ITGB5: variants seen among roughly 807,000 people sequenced by gnomAD.
The protein encoded by ITGB5 is integrin beta-5.
A neutral mutation model predicts 84.8 loss-of-function variants in ITGB5; 38 were observed. The observed-to-expected ratio is 0.45, with a 90% confidence interval of 0.35 to 0.59. The LOEUF (loss-of-function observed/expected upper bound fraction) is 0.59. ITGB5 is among the 20% of genes least tolerant of loss of function. ITGB5 has a pLI of 0.01. For missense variants in ITGB5, 905 were observed against 1,034.5 expected (o/e 0.87, Z 1.72); for synonymous variants, 393 against 414.4 (o/e 0.95, Z 0.63).
chr3:124,825,778 A>C (rs1348876948), intron 5 of ITGB5, among the ~76,000 whole-genome samples: 1 of 152,234 alleles, frequency 6.6e-6, no homozygotes. Context: ...ATAAGACTTT[A>C]TACCTAAAAA....
chr3:124,801,839 C>T (rs1024460962), intron 9 of ITGB5, among the ~76,000 whole-genome samples: 2 of 152,240 alleles, frequency 1.3e-5, no homozygotes, highest in African/African-American at 4.8e-5. Context: ...AGCCACTCTC[C>T]CCTCCCTCCC....
chr3:124,835,155 A>T (rs1559959891), intron 5 of ITGB5, among the ~76,000 whole-genome samples: 1 of 152,146 alleles, frequency 6.6e-6, no homozygotes, highest in Non-Finnish European at 1.5e-5. Flanking sequence ...AAAGAAACGC[A>T]AACTCTCCCA....
intron 5 of ITGB5, among the ~76,000 whole-genome samples, chr3:124,839,416 T>C (rs1016502007): frequency 1.3e-5 from 2 of 152,220 alleles, no homozygotes; most frequent in African/African-American, 4.8e-5. Flanking sequence ...CTGGATCAAA[T>C]GGCTTCTCAA....
intron 10 of ITGB5, among the ~76,000 whole-genome samples, chr3:124,784,890 T>C (rs1559931624): frequency 1.3e-5 from 2 of 152,228 alleles, no homozygotes; most frequent in Admixed American, 6.5e-5. Flanking sequence ...GAAACTGTCA[T>C]GGTGTTGTGG....
In ITGB5 at chr3:124,886,636, C is replaced by A. The variant is rs1023565128; in HGVS notation, c.70+295G>T. ...AGGCAGGGCTGGCGGCGGTCCTCCC[C>A]GTGCCCTGGGCGCGGGCCCTGGCGG... On this transcript the variant is annotated intron_variant, in intron 1 of 14. Transcript: ENST00000296181. Among the ~76,000 whole-genome samples, 221 of 152,164 alleles carry A rather than the reference C, an allele frequency of 1.5e-3. 1 individual carries two copies. The highest frequency in any genetic ancestry group is 1.6e-3 in the Non-Finnish European group (107 of 67,950).
In ITGB5 at chr3:124,863,643, G is replaced by A. The variant is rs541657376; in HGVS notation, c.157-4197C>T. On this transcript the variant is annotated intron_variant, in intron 2 of 14. Coordinates refer to ENST00000296181, the MANE Select transcript of ITGB5 (RefSeq NM_002213.5). ...AAGTGATCCCGCCACCTTAGCCTCC[G>A]GAGTAGCTGGGATTACAAGCATGTG... Among the ~76,000 whole-genome samples, 5 of 152,198 alleles carry A rather than the reference G, an allele frequency of 3.3e-5. 1 individual carries two copies. Among genetic ancestry groups the A allele is most frequent in the East Asian group, 1.9e-4 (1 of 5,170 alleles).
chr3:124,787,403 A>C (rs1386958516), intron 10 of ITGB5: 3 of 152,150 alleles, frequency 2.0e-5, no homozygotes, highest in Non-Finnish European at 4.4e-5. Flanking sequence ...GTCTTTCAAG[A>C]TCTCAAAGAA....
chr3:124,895,281 C>T (rs1234472264), intron 1 of ITGB5, among the ~76,000 whole-genome samples: 1 of 152,206 alleles, frequency 6.6e-6, no homozygotes, highest in Non-Finnish European at 1.5e-5. Context: ...GGTTGGAGTG[C>T]AGTGGCACCA....
chr3:124,767,649 A>C (rs2063785872), intron 12 of ITGB5, among the ~76,000 whole-genome samples: 1 of 152,224 alleles, frequency 6.6e-6, no homozygotes, highest in African/African-American at 2.4e-5. Context: ...AGATAGAAGC[A>C]GGGGCAGGAA....
upstream of ITGB5, chr3:124,887,543 G>A: frequency 3.8e-6 from 1 of 259,940 alleles, no homozygotes; most frequent in Non-Finnish European, 8.1e-6. Flanking sequence ...CCTGTGCGGG[G>A]ACCGGCCCGG....
At chr3:124,883,974 G>T (rs1934691028) in intron 1 of ITGB5, among the ~76,000 whole-genome samples, 1 of 152,114 alleles carries the variant, frequency 6.6e-6, no homozygotes, top group South Asian at 2.1e-4. Flanking sequence ...TGAAACCTAA[G>T]GTCAGTTTCC....
chr3:124,852,926 G>C (rs1265648), intron 3 of ITGB5, among the ~76,000 whole-genome samples: 198 of 152,234 alleles, frequency 1.3e-3, no homozygotes, highest in African/African-American at 4.1e-3. Flanking sequence ...GAGCTCAAGT[G>C]ATCCTCCCCT....
At chr3:124,769,147 A>C in intron 11 of ITGB5, 34 bp from the exon 12 acceptor site, 1 of 1,574,256 alleles carries the variant, frequency 6.4e-7, no homozygotes, top group Non-Finnish European at 8.7e-7. Flanking sequence ...TGGGTGTCAG[A>C]TAATGTAGAA....
At chr3:124,817,442 G>A (rs2064620458) in intron 8 of ITGB5, among the ~76,000 whole-genome samples, 179 bp downstream of exon 8, 1 of 152,120 alleles carries the variant, frequency 6.6e-6, no homozygotes, top group Non-Finnish European at 1.5e-5. Context: ...AGCAAGGATG[G>A]GTTTCTCCAC....
At chr3:124,879,505 C>T (rs1934475585) in intron 1 of ITGB5, among the ~76,000 whole-genome samples, 1 of 152,182 alleles carries the variant, frequency 6.6e-6, no homozygotes, top group African/African-American at 2.4e-5. Flanking sequence ...CTAAATGTTA[C>T]CATGAAATGC....
chr3:124,838,422 T>A (rs149327546), intron 5 of ITGB5, among the ~76,000 whole-genome samples: 112 of 152,330 alleles, frequency 7.4e-4, no homozygotes, highest in Non-Finnish European at 1.2e-3. Context: ...TATTGTTTTA[T>A]AACCTGCTTC....
At position 124,887,248 on chromosome 3, in the gene ITGB5, T is replaced by G. The variant is rs965915113; in HGVS notation, c.-248A>C. 2.0e-5 allele frequency: 3 copies of G among 151,492 alleles called. No individual in the cohort carries two copies. Among genetic ancestry groups the G allele is most frequent in the African/African-American group, 7.3e-5 (3 of 41,216 alleles). The allele number at this position is 151,492 out of a possible 1,614,324, so 9.4% of individuals were successfully genotyped here. A position where few individuals can be genotyped will look rare whatever the true frequency, so the allele number is the denominator to read the frequency against. Reference sequence around the variant, plus strand: ...GCCGGGACTCCTAGTGTGTCGCCGCTCGGGACGGCCCCAGCGGGCTGCTCC... The same window carrying G: ...GCCGGGACTCCTAGTGTGTCGCCGCGCGGGACGGCCCCAGCGGGCTGCTCC... On this transcript the variant is annotated 5_prime_UTR_variant, in exon 1 of 15. Coordinates refer to ENST00000296181, the MANE Select transcript of ITGB5 (RefSeq NM_002213.5).
chr3:124,798,552 T>C (rs1214215881), intron 9 of ITGB5, among the ~76,000 whole-genome samples: 1 of 152,058 alleles, frequency 6.6e-6, no homozygotes, highest in Non-Finnish European at 1.5e-5. Flanking sequence ...CTCAAATAGC[T>C]GGGATTACAG....
At chr3:124,864,217 C>T (rs1033639075) in intron 2 of ITGB5, among the ~76,000 whole-genome samples, 3 of 146,670 alleles carry the variant, frequency 2.0e-5, no homozygotes, top group African/African-American at 7.5e-5. Context: ...AGCCATTCTC[C>T]TGCCTCAGCC....
Sources: gnomAD v4.1 joint callset for allele counts (sites outside exome capture counted in the v4.1 genomes callset) on GRCh38, gnomAD v4.1.1 for gene constraint, MANE v1.5 for transcripts, NCBI Gene and HGNC (gene_info 2026-07-23, HGNC 2026-07-21) for gene names.